COMMD7: variants seen among roughly 807,000 people sequenced by gnomAD.
COMMD7 encodes the protein COMM domain-containing protein 7.
A neutral mutation model predicts 34.8 loss-of-function variants in COMMD7; 28 were observed. The ratio of observed to expected loss-of-function variants is 0.80; its 90% CI spans 0.60 to 1.10. The LOEUF (loss-of-function observed/expected upper bound fraction) is 1.10, where lower values mean the gene tolerates loss of function less well. Ranked by LOEUF, COMMD7 falls within the 50% of genes least tolerant of loss-of-function variation. The pLI is 0.00. For synonymous variants in COMMD7, 80 were observed against 86.4 expected (o/e 0.93, Z 0.41); for missense variants, 211 against 241.6 (o/e 0.87, Z 0.84).
At chr20:32,733,900 C>T (rs912072445) in intron 1 of COMMD7, among the ~76,000 whole-genome samples, 3 of 149,046 alleles carry the variant, frequency 2.0e-5, no homozygotes, top group African/African-American at 7.4e-5. Flanking sequence ...AAAAGAAGGC[C>T]GGGTGCGGTG....
At chr20:32,732,923 G>C (rs182069196) in intron 1 of COMMD7, among the ~76,000 whole-genome samples, 80 of 148,430 alleles carry the variant, frequency 5.4e-4, no homozygotes, top group African/African-American at 1.9e-3. Context: ...GCGACAGAGT[G>C]AGATTCCATC....
At chr20:32,729,221 T>G (rs958885965) in intron 1 of COMMD7, among the ~76,000 whole-genome samples, 3 of 145,376 alleles carry the variant, frequency 2.1e-5, no homozygotes, top group Non-Finnish European at 4.5e-5. Flanking sequence ...CAGGCTGGAG[T>G]GCAGTGGTGT....
intron 1 of COMMD7, among the ~76,000 whole-genome samples, chr20:32,733,901 G>A (rs1347268150): frequency 6.8e-6 from 1 of 147,494 alleles, no homozygotes; most frequent in Non-Finnish European, 1.5e-5. Context: ...AAAGAAGGCC[G>A]GGTGCGGTGG....
At chr20:32,713,049 CTTTT>C (rs1318989294) in intron 3 of COMMD7, among the ~76,000 whole-genome samples, 5 of 134,382 alleles carry the variant, frequency 3.7e-5, no homozygotes, top group Non-Finnish European at 6.5e-5. Context: ...TTTTTAATTT[CTTTT>C]TTTTTTTTTT....
At chr20:32,715,371 T>C (rs1984716844) in intron 3 of COMMD7, among the ~76,000 whole-genome samples, 2 of 143,942 alleles carry the variant, frequency 1.4e-5, no homozygotes, top group South Asian at 4.4e-4. Context: ...TGGTCCCAGC[T>C]ACTCGGGAGG....
Position 32,726,814 on chromosome 20 carries a change from G to C in COMMD7, c.241+1079C>G, listed in dbSNP as rs528854382. 5.9e-5 allele frequency among the ~76,000 whole-genome samples: 9 copies of C among 152,256 alleles called. No homozygotes were observed. The East Asian group carries it at 1.7e-3, about 29-fold the overall frequency. On this transcript the variant is annotated intron_variant, in intron 3 of 8. Coordinates refer to ENST00000278980, the MANE Select transcript of COMMD7 (RefSeq NM_053041.3). ...AGAAAATTTCAGTTGAAAATCTCTG[G>C]AATATTCTGGTTCAAGCCCCCAGAA...
intron 3 of COMMD7, among the ~76,000 whole-genome samples, chr20:32,726,475 G>A (rs1343965505): frequency 6.6e-6 from 1 of 152,120 alleles, no homozygotes; most frequent in East Asian, 1.9e-4. Flanking sequence ...ACTGAGGTGG[G>A]TGGATCACCT....
At chr20:32,742,034 A>C (rs554726487) in intron 1 of COMMD7, among the ~76,000 whole-genome samples, 1 of 152,190 alleles carries the variant, frequency 6.6e-6, no homozygotes, top group Non-Finnish European at 1.5e-5. Flanking sequence ...CTAAAAATAC[A>C]AAAATTAGCT....
At chr20:32,712,672 C>T (rs28401332) in intron 3 of COMMD7, among the ~76,000 whole-genome samples, 24 of 147,910 alleles carry the variant, frequency 1.6e-4, no homozygotes, top group African/African-American at 3.2e-4. Context: ...GAACATGACA[C>T]GTGGGGAAAT....
intron 3 of COMMD7, among the ~76,000 whole-genome samples, chr20:32,715,820 T>C (rs1984747579): frequency 6.6e-6 from 1 of 151,734 alleles, no homozygotes; most frequent in East Asian, 1.9e-4. Context: ...AAAAATAAAT[T>C]AATCAAAAAT....
intron 3 of COMMD7, among the ~76,000 whole-genome samples, chr20:32,719,494 C>A (rs1985020649): frequency 1.3e-5 from 2 of 151,882 alleles, no homozygotes; most frequent in South Asian, 4.2e-4. Context: ...AATAAAAATA[C>A]AAAAAATTAG....
chr20:32,710,452 A>G (rs1235904142), intron 3 of COMMD7, among the ~76,000 whole-genome samples: 1 of 152,152 alleles, frequency 6.6e-6, no homozygotes, highest in African/African-American at 2.4e-5. Context: ...GGCTTAAAAA[A>G]AATTATGTAA....
intron 3 of COMMD7, among the ~76,000 whole-genome samples, chr20:32,713,431 A>G (rs1271478163): frequency 2.0e-5 from 3 of 152,224 alleles, no homozygotes; most frequent in Admixed American, 2.0e-4. Context: ...AAACAAAGGG[A>G]AGTGAGGGTG....
At chr20:32,739,740 A>G (rs1986332586) in intron 1 of COMMD7, among the ~76,000 whole-genome samples, 1 of 139,440 alleles carries the variant, frequency 7.2e-6, no homozygotes. Flanking sequence ...TAATCTGACC[A>G]GGGGTGGTGG....
Position 32,742,802 on chromosome 20 carries a change from G to C in COMMD7, c.84+506C>G, listed in dbSNP as rs758773243. Among the ~76,000 whole-genome samples, 4 of 152,068 alleles carry C rather than the reference G, an allele frequency of 2.6e-5. 1 individual carries two copies. The highest frequency in any genetic ancestry group is 3.9e-4 in the East Asian group (2 of 5,172). On this transcript the variant is annotated intron_variant, in intron 1 of 8. Coordinates refer to ENST00000278980, the MANE Select transcript of COMMD7 (RefSeq NM_053041.3). Reference sequence around the variant, plus strand: ...CACTGAGATGTAAGACGGCAGCCCAGGCCAAGCTTCCCCGGGCCCCCTCAG... The same window carrying C: ...CACTGAGATGTAAGACGGCAGCCCACGCCAAGCTTCCCCGGGCCCCCTCAG...
intron 5 of COMMD7, among the ~76,000 whole-genome samples, chr20:32,706,161 G>A (rs113003397): frequency 0.019 from 2,907 of 150,168 alleles, 86 homozygotes; most frequent in African/African-American, 0.068. Flanking sequence ...TTGTGCCATT[G>A]CACTCTAGCC....
Position 32,733,843 on chromosome 20 carries a change from C to T in COMMD7, c.85-5701G>A, listed in dbSNP as rs142819566. Among the ~76,000 whole-genome samples the T allele has an allele frequency of 2.0e-5, 3 of 149,364 alleles. No individual in the cohort carries two copies. The South Asian group carries it at 6.4e-4, about 32-fold the overall frequency. Reference sequence around the variant, plus strand: ...GAGGTTGCAGTGAGCCGAGATTGCACGATTGCACTCCAGCCTGGGCGGAGT... The same window carrying T: ...GAGGTTGCAGTGAGCCGAGATTGCATGATTGCACTCCAGCCTGGGCGGAGT... On this transcript the variant is annotated intron_variant, in intron 1 of 8. Transcript: ENST00000278980.
intron 7 of COMMD7, 88 bp downstream of exon 7, chr20:32,704,352 C>T (rs957285433): frequency 2.4e-6 from 3 of 1,245,020 alleles, no homozygotes; most frequent in Non-Finnish European, 1.1e-6. Flanking sequence ...GTAAAACATC[C>T]ATTTAAATAT....
chr20:32,736,236 C>A (rs1052522084), intron 1 of COMMD7, among the ~76,000 whole-genome samples: 2 of 152,098 alleles, frequency 1.3e-5, no homozygotes, highest in Non-Finnish European at 1.5e-5. Context: ...CTACTTGAGG[C>A]CTACACCTTA....
Sources: gnomAD v4.1 joint callset for allele counts (sites outside exome capture counted in the v4.1 genomes callset) on GRCh38, gnomAD v4.1.1 for gene constraint, MANE v1.5 for transcripts, NCBI Gene and HGNC (gene_info 2026-07-23, HGNC 2026-07-21) for gene names.